PALLD: variants seen among roughly 807,000 people sequenced by gnomAD.
PALLD encodes palladin.
PALLD carries 61 observed loss-of-function variants against 123.5 expected under a neutral mutation model. That is an observed-to-expected ratio of 0.49 (90% CI 0.40 to 0.61). The LOEUF (loss-of-function observed/expected upper bound fraction) is 0.61, where lower values mean the gene tolerates loss of function less well. PALLD is among the 20% of genes least tolerant of loss of function. The probability of loss-of-function intolerance (pLI) is 0.00; values close to 1 mark genes in which losing one functional copy is unlikely to be tolerated. For missense variants in PALLD, 1,273 were observed against 1,377.0 expected, an observed-to-expected ratio of 0.92 and a Z score of 1.20; for synonymous variants, 465 against 496.4, an observed-to-expected ratio of 0.94 and a Z score of 0.84.
At chr4:168,730,741 G>A (rs1022651032) in intron 10 of PALLD, among the ~76,000 whole-genome samples, 8 of 152,062 alleles carry the variant, frequency 5.3e-5, no homozygotes, top group Non-Finnish European at 8.8e-5. Flanking sequence ...GGGTGGTTGT[G>A]GGGGCAGGTA....
At chr4:168,679,103 G>A (rs1781199055) in intron 3 of PALLD, among the ~76,000 whole-genome samples, 1 of 129,422 alleles carries the variant, frequency 7.7e-6, no homozygotes, top group Non-Finnish European at 1.6e-5. Flanking sequence ...GGGTGTTTAT[G>A]GTGGGTGTGT....
At chr4:168,606,259 G>A (rs1773156557) in intron 2 of PALLD, among the ~76,000 whole-genome samples, 2 of 152,236 alleles carry the variant, frequency 1.3e-5, no homozygotes, top group Non-Finnish European at 1.5e-5. Context: ...CTTTGTGCCT[G>A]TAATTTATTT....
At chr4:168,835,240 A>G (rs1196458800) in intron 10 of PALLD, among the ~76,000 whole-genome samples, 1 of 152,240 alleles carries the variant, frequency 6.6e-6, no homozygotes, top group Non-Finnish European at 1.5e-5. Context: ...CTGAGTAATC[A>G]CAATTCACTA....
chr4:168,922,102 T>TATACACACAC (rs1459158507), intron 18 of PALLD, among the ~76,000 whole-genome samples: 3 of 132,604 alleles, frequency 2.3e-5, no homozygotes, highest in African/African-American at 9.4e-5. Context: ...TATATATATA[T>TATACACACAC]ACACACACAC....
intron 10 of PALLD, among the ~76,000 whole-genome samples, chr4:168,799,598 T>G (rs1739019010): frequency 6.6e-6 from 1 of 152,224 alleles, no homozygotes; most frequent in East Asian, 1.9e-4. Context: ...AGTATAGTTG[T>G]GGATTGCAAT....
intron 10 of PALLD, among the ~76,000 whole-genome samples, chr4:168,727,342 A>C (rs1786692875): frequency 1.3e-5 from 2 of 152,214 alleles, no homozygotes; most frequent in Admixed American, 6.5e-5. Flanking sequence ...CATTCCTACC[A>C]ACAGTATGTA....
intron 10 of PALLD, among the ~76,000 whole-genome samples, chr4:168,794,471 T>G (rs1738129939): frequency 6.8e-6 from 1 of 147,334 alleles, no homozygotes; most frequent in African/African-American, 2.6e-5. Context: ...CAGACGTACG[T>G]GCACACGCAC....
chr4:168,885,939 C>A (rs1243954872), intron 10 of PALLD, among the ~76,000 whole-genome samples: 1 of 152,178 alleles, frequency 6.6e-6, no homozygotes. Context: ...ACCTACAGTT[C>A]CCATCACCAC....
At chr4:168,635,776 A>T (rs1383542211) in intron 2 of PALLD, among the ~76,000 whole-genome samples, 11 of 152,152 alleles carry the variant, frequency 7.2e-5, no homozygotes, top group Admixed American at 7.2e-4. Flanking sequence ...GATCCATCTG[A>T]GCCAGCCTGG....
rs889312893 is a variant in PALLD at position 168,791,330 on chromosome 4, G to A, written c.1964+79407G>A. On this transcript the variant is annotated intron_variant, in intron 10 of 21. Coordinates refer to ENST00000505667, the MANE Select transcript of PALLD (RefSeq NM_001166108.2). ...CCCCTCTGGGACCCTGTATTACTCT[G>A]TTTTCACACTGCTATAAAGAACTGC... 2.0e-5 allele frequency among the ~76,000 whole-genome samples: 3 copies of A among 152,160 alleles called. No homozygotes were observed. In the East Asian group the frequency reaches 5.8e-4, roughly 29 times the overall value.
intron 2 of PALLD, among the ~76,000 whole-genome samples, chr4:168,550,358 C>T (rs920543667): frequency 6.6e-6 from 1 of 152,024 alleles, no homozygotes; most frequent in Non-Finnish European, 1.5e-5. Flanking sequence ...AGAGAATTAC[C>T]ATATTCAAGT....
At chr4:168,751,345 A>G (rs1385635377) in intron 10 of PALLD, among the ~76,000 whole-genome samples, 2 of 152,180 alleles carry the variant, frequency 1.3e-5, no homozygotes, top group South Asian at 4.1e-4. Flanking sequence ...CTCCGGCAGT[A>G]TAATATATGC....
At chr4:168,889,583 C>T (rs371780840) in intron 10 of PALLD, among the ~76,000 whole-genome samples, 13 of 152,104 alleles carry the variant, frequency 8.5e-5, no homozygotes, top group African/African-American at 2.7e-4. Flanking sequence ...TTTCTAGTAC[C>T]TTTGAAGCCC....
chr4:168,631,526 T>C (rs1775802632), intron 2 of PALLD: 1 of 770,490 alleles, frequency 1.3e-6, no homozygotes, highest in Non-Finnish European at 1.6e-6. Context: ...TTTAGCAGCA[T>C]TCCTCCCCAG....
intron 2 of PALLD, among the ~76,000 whole-genome samples, chr4:168,647,504 G>A (rs541134434): frequency 4.6e-5 from 7 of 152,282 alleles, no homozygotes; most frequent in East Asian, 1.9e-4. Context: ...GCATGTGGCC[G>A]GGCGTGTAGC....
chr4:168,916,709 TCTCA>T (rs1178405844), intron 17 of PALLD, among the ~76,000 whole-genome samples: 1 of 135,386 alleles, frequency 7.4e-6, no homozygotes, highest in Non-Finnish European at 1.5e-5. Flanking sequence ...TGAGACAGAG[TCTCA>T]CTCTGTCACC....
At chr4:168,839,582 G>A (rs1357170990) in intron 10 of PALLD, among the ~76,000 whole-genome samples, 1 of 150,360 alleles carries the variant, frequency 6.7e-6, no homozygotes, top group Non-Finnish European at 1.5e-5. Context: ...TGGGAGGGGT[G>A]AGGGAGGGGG....
intron 2 of PALLD, among the ~76,000 whole-genome samples, chr4:168,561,300 C>T (rs1314670363): frequency 6.6e-6 from 1 of 152,034 alleles, no homozygotes; most frequent in African/African-American, 2.4e-5. Context: ...CTCACTCTAT[C>T]GCCCAGGCTA....
At chr4:168,765,599 G>A (rs962270670) in intron 10 of PALLD, among the ~76,000 whole-genome samples, 4 of 152,152 alleles carry the variant, frequency 2.6e-5, no homozygotes, top group African/African-American at 9.7e-5. Context: ...TGCAGAACTG[G>A]GTTCCGGTTT....
Sources: allele counts gnomAD v4.1 joint callset (sites outside exome capture counted in the v4.1 genomes callset), GRCh38; gene constraint gnomAD v4.1.1; transcripts MANE v1.5; gene names NCBI Gene and HGNC (gene_info 2026-07-23, HGNC 2026-07-21).